CCDC170: variants seen among roughly 807,000 people sequenced by gnomAD.
CCDC170 encodes the protein coiled-coil domain containing 170, also known as coiled-coil domain-containing protein 170.
Under a neutral mutation model 72.6 loss-of-function variants are expected in CCDC170, and 69 were observed. The ratio of observed to expected loss-of-function variants is 0.95; its 90% CI spans 0.78 to 1.16. The LOEUF (loss-of-function observed/expected upper bound fraction) is 1.16, where lower values mean the gene tolerates loss of function less well. Among genes scored for constraint, CCDC170 ranks in the 50% most tolerant of loss-of-function variants. The probability of loss-of-function intolerance (pLI) is 0.00; values close to 1 mark genes in which losing one functional copy is unlikely to be tolerated. For synonymous variants in CCDC170, 300 were observed against 303.9 expected (o/e 0.99, Z 0.13); for missense variants, 852 against 832.5 (o/e 1.02, Z -0.29).
chr6:151,510,862 A>T (rs746193162), intron 1 of CCDC170, among the ~76,000 whole-genome samples: 1 of 151,946 alleles, frequency 6.6e-6, no homozygotes, highest in Non-Finnish European at 1.5e-5. Flanking sequence ...CAGCCTCCTG[A>T]GTAGCTGGGA....
intron 3 of CCDC170, among the ~76,000 whole-genome samples, chr6:151,541,524 T>A (rs997987222): frequency 6.6e-6 from 1 of 152,092 alleles, no homozygotes; most frequent in African/African-American, 2.4e-5. Context: ...GCTGGATTTG[T>A]ATCTCTTTTG....
intron 9 of CCDC170, among the ~76,000 whole-genome samples, chr6:151,611,228 T>C (rs1776865080): frequency 6.6e-6 from 1 of 151,104 alleles, no homozygotes; most frequent in Non-Finnish European, 1.5e-5. Flanking sequence ...TGAGCCGAGA[T>C]TGTGCCACTT....
intron 1 of CCDC170, among the ~76,000 whole-genome samples, chr6:151,525,983 A>G (rs555257896): frequency 6.6e-6 from 1 of 152,258 alleles, no homozygotes; most frequent in South Asian, 2.1e-4. Flanking sequence ...GACATTTTAC[A>G]TATCCCTCCA....
chr6:151,578,250 A>C (rs988610286), intron 6 of CCDC170, among the ~76,000 whole-genome samples: 34 of 152,200 alleles, frequency 2.2e-4, no homozygotes, highest in African/African-American at 7.7e-4. Context: ...AAAGTACCGC[A>C]ACTGGGCGGC....
intron 3 of CCDC170, among the ~76,000 whole-genome samples, chr6:151,539,455 T>G (rs1432546291): frequency 7.2e-5 from 11 of 152,170 alleles, no homozygotes; most frequent in Admixed American, 7.2e-4. Context: ...CTTCTTCTCT[T>G]GGCTTCCAGG....
intron 3 of CCDC170, among the ~76,000 whole-genome samples, chr6:151,543,776 C>A (rs1395694317): frequency 1.3e-5 from 2 of 152,144 alleles, no homozygotes; most frequent in Non-Finnish European, 1.5e-5. Flanking sequence ...CCAGGTTCAT[C>A]CATATTGCCA....
At chr6:151,526,705 A>G (rs964863325) in intron 1 of CCDC170, among the ~76,000 whole-genome samples, 5 of 151,638 alleles carry the variant, frequency 3.3e-5, no homozygotes, top group Non-Finnish European at 5.9e-5. Flanking sequence ...GTCCAGCAAT[A>G]TAATTCCCAT....
At chr6:151,548,135 C>G (rs1378044749) in intron 4 of CCDC170, among the ~76,000 whole-genome samples, 169 bp from the exon 5 acceptor site, 1 of 152,210 alleles carries the variant, frequency 6.6e-6, no homozygotes, top group Non-Finnish European at 1.5e-5. Flanking sequence ...ACCCCCAGGT[C>G]TAAAACAGAG....
chr6:151,585,832 G>C, intron 6 of CCDC170, 57 bp from the exon 7 acceptor site: 1 of 1,536,294 alleles, frequency 6.5e-7, no homozygotes, highest in Non-Finnish European at 8.9e-7. Flanking sequence ...CAGTAGATGT[G>C]AACACTTCCT....
chr6:151,584,988 T>C (rs1776432352), intron 6 of CCDC170, among the ~76,000 whole-genome samples: 1 of 152,202 alleles, frequency 6.6e-6, no homozygotes, highest in Admixed American at 6.5e-5. Context: ...AAATAAACCA[T>C]CGAAAGAAAA....
At chr6:151,578,214 T>C (rs975374959) in intron 6 of CCDC170, among the ~76,000 whole-genome samples, 1 of 152,174 alleles carries the variant, frequency 6.6e-6, no homozygotes, top group Non-Finnish European at 1.5e-5. Flanking sequence ...TCTCCAGTTA[T>C]ATGAGTTTCC....
chr6:151,516,043 T>C (rs961230259), intron 1 of CCDC170, among the ~76,000 whole-genome samples: 1 of 150,018 alleles, frequency 6.7e-6, no homozygotes, highest in Non-Finnish European at 1.5e-5. Context: ...TCCAGCCTGG[T>C]GACAGAGCAA....
intron 5 of CCDC170, among the ~76,000 whole-genome samples, chr6:151,565,547 T>G (rs1284335636): frequency 2.0e-5 from 3 of 152,222 alleles, no homozygotes; most frequent in African/African-American, 7.2e-5. Context: ...TTCCTGTTGG[T>G]TCTCTGTTGA....
intron 8 of CCDC170, 78 bp from the exon 9 acceptor site, chr6:151,596,257 C>T: frequency 2.1e-6 from 3 of 1,395,716 alleles, no homozygotes; most frequent in Non-Finnish European, 1.9e-6. Context: ...AGATAGAGAT[C>T]AACATTATCT....
chr6:151,499,357 C>T (rs111742613), intron 1 of CCDC170, among the ~76,000 whole-genome samples: 1 of 86,642 alleles, frequency 1.2e-5, no homozygotes, highest in African/African-American at 7.0e-5. Context: ...GTATTTGACT[C>T]TTCTAGGCAC....
intron 5 of CCDC170, among the ~76,000 whole-genome samples, chr6:151,552,513 C>T (rs954142909): frequency 1.3e-5 from 2 of 152,094 alleles, no homozygotes; most frequent in African/African-American, 4.8e-5. Context: ...TAAAGAAAAG[C>T]TTTCTTTATT....
chr6:151,537,739 AG>A (rs1417443115), intron 2 of CCDC170, among the ~76,000 whole-genome samples: 2 of 152,316 alleles, frequency 1.3e-5, no homozygotes, highest in East Asian at 3.9e-4. Context: ...ATACAGATTT[AG>A]AAAATGTGGA....
intron 9 of CCDC170, among the ~76,000 whole-genome samples, chr6:151,613,960 T>G (rs548993429): frequency 6.6e-6 from 1 of 152,324 alleles, no homozygotes; most frequent in East Asian, 1.9e-4. Context: ...CTACCAGTAG[T>G]GTATGAGAGT....
chr6:151,533,667 CAA>C (rs11347240), intron 1 of CCDC170, among the ~76,000 whole-genome samples: 35,119 of 141,394 alleles, frequency 0.25, 4,578 homozygotes, highest in East Asian at 0.56. Context: ...AACTCCATCT[CAA>C]AAAAAAAAAA....
Sources: allele counts gnomAD v4.1 joint callset (sites outside exome capture counted in the v4.1 genomes callset), GRCh38; gene constraint gnomAD v4.1.1; transcripts MANE v1.5; gene names NCBI Gene and HGNC (gene_info 2026-07-23, HGNC 2026-07-21).